CD300LF: variants seen among roughly 807,000 people sequenced by gnomAD.
The protein encoded by CD300LF is CMRF35-like molecule 1.
A neutral mutation model predicts 32.2 loss-of-function variants in CD300LF; 27 were observed. The ratio of observed to expected loss-of-function variants is 0.84; its 90% confidence interval spans 0.62 to 1.15. The LOEUF (loss-of-function observed/expected upper bound fraction) is 1.15, where lower values mean the gene tolerates loss of function less well. CD300LF is among the 50% of genes most tolerant of loss of function. The pLI, the probability that CD300LF is intolerant of heterozygous loss-of-function variation, is 0.00. For missense variants in CD300LF, 348 were observed against 356.8 expected (o/e 0.98, Z 0.20); for synonymous variants, 139 against 143.2 (o/e 0.97, Z 0.21).
chr17:74,707,852 T>C (rs961891508), intron 1 of CD300LF, among the ~76,000 whole-genome samples: 18 of 151,964 alleles, frequency 1.2e-4, no homozygotes, highest in African/African-American at 4.1e-4. Flanking sequence ...GAATTTACAA[T>C]TTGAGATGGA....
chr17:74,695,929 G>A, intron 5 of CD300LF, 70 bp from the exon 6 acceptor site: 1 of 1,543,038 alleles, frequency 6.5e-7, no homozygotes, highest in Non-Finnish European at 8.8e-7. Flanking sequence ...TTCCACGGTG[G>A]GACGGGACGA....
intron 1 of CD300LF, among the ~76,000 whole-genome samples, chr17:74,706,542 C>T (rs2033534031): frequency 6.6e-6 from 1 of 152,038 alleles, no homozygotes; most frequent in African/African-American, 2.4e-5. Flanking sequence ...ATGGCACATG[C>T]CTGTAATCCC....
chr17:74,705,305 T>C (rs2033418754), intron 1 of CD300LF: 1 of 690,902 alleles, frequency 1.4e-6, no homozygotes, highest in Non-Finnish European at 2.7e-6. Flanking sequence ...TTTCTAGTGG[T>C]TCTGGAATAA....
rs1414320495 is a variant in CD300LF, at chr17:74,698,424, C to T, written c.504G>A (p.Leu168=). ...CCAAGAGTGAGGCGGCCACCAAAAGCAGCAGCAATATGGTGAAGATGAGGG... is the reference window on the plus strand; with the variant it reads ...CCAAGAGTGAGGCGGCCACCAAAAGTAGCAGCAATATGGTGAAGATGAGGG... The part of the protein sequence containing the change: ...LLPLIFTILL[L]LLVAASLLAW... Residue 168 remains leucine, a synonymous_variant, in exon 4 of 7, where the codon CTG becomes CTA. Coordinates refer to ENST00000326165, the MANE Select transcript of CD300LF (RefSeq NM_139018.5). 3.1e-6 allele frequency: 5 copies of T among 1,614,060 alleles called. No homozygotes were observed. Among genetic ancestry groups the T allele is most frequent in the Non-Finnish European group, 4.2e-6 (5 of 1,179,994 alleles).
At chr17:74,702,439 G>A (rs2033138943) in intron 3 of CD300LF, among the ~76,000 whole-genome samples, 1 of 152,222 alleles carries the variant, frequency 6.6e-6, no homozygotes, top group Non-Finnish European at 1.5e-5. Context: ...TGGGGTGGTT[G>A]TAGGAAAGGT....
In CD300LF at chr17:74,698,398, G is replaced by A. The variant is rs985065044; in HGVS notation, c.530C>T (p.Ala177Val). The A allele has an allele frequency of 2.5e-6, 4 of 1,613,660 alleles. No homozygotes were observed. The highest frequency in any genetic ancestry group is 3.4e-6 in the Non-Finnish European group (4 of 1,179,836). The change falls in exon 4 of 7, where the codon GCT becomes GTT. Residue 177 changes from alanine to valine, a missense_variant. Coordinates refer to ENST00000326165, the MANE Select transcript of CD300LF (RefSeq NM_139018.5). Reference protein sequence around the residue: ...LLLLVAASLLAWRMMKYQQKA... With the variant: ...LLLLVAASLLVWRMMKYQQKA... ...CTGCTGGTACTTCATCATCCTCCAA[G>A]CCAAGAGTGAGGCGGCCACCAAAAG...
chr17:74,703,269 G>A, intron 2 of CD300LF, 171 bp from the exon 3 acceptor site: 1 of 686,674 alleles, frequency 1.5e-6, no homozygotes, highest in Non-Finnish European at 2.5e-6. Flanking sequence ...AGGGGCTGCA[G>A]CCTGGACCAC....
At chr17:74,698,559 AG>A in intron 3 of CD300LF, 78 bp from the exon 4 acceptor site, 1 of 1,524,686 alleles carries the variant, frequency 6.6e-7, no homozygotes, top group Non-Finnish European at 8.8e-7. Context: ...ACCCAGCAGC[AG>A]GGGAGGGCCA....
At chr17:74,699,154 T>C (rs1383797930) in intron 3 of CD300LF, among the ~76,000 whole-genome samples, 1 of 152,128 alleles carries the variant, frequency 6.6e-6, no homozygotes, top group East Asian at 1.9e-4. Context: ...CCTAACCTCA[T>C]GATCCGCCCA....
intron 1 of CD300LF, among the ~76,000 whole-genome samples, chr17:74,706,008 C>A (rs2033474518): frequency 6.6e-6 from 1 of 152,114 alleles, no homozygotes; most frequent in South Asian, 2.1e-4. Flanking sequence ...AAACCAAATA[C>A]CGCATGTTCT....
rs1033424531 is a variant in CD300LF at position 74,698,392 on chromosome 17, C to G, written c.536G>C (p.Arg179Thr). The change falls in exon 4 of 7, where the codon AGG becomes ACG. Residue 179 changes from arginine to threonine, a missense_variant. By Grantham distance (71) the Arg-to-Thr change is moderately conservative. Transcript: ENST00000326165. Reference sequence around the variant, plus strand: ...ACCTTTCTGCTGGTACTTCATCATCCTCCAAGCCAAGAGTGAGGCGGCCAC... The same window carrying G: ...ACCTTTCTGCTGGTACTTCATCATCGTCCAAGCCAAGAGTGAGGCGGCCAC... ...LLVAASLLAW[R>T]MMKYQQKAAG... 1.2e-6 allele frequency: 2 copies of G among 1,613,594 alleles called. No homozygotes were observed. Among genetic ancestry groups the G allele is most frequent in the Non-Finnish European group, 1.7e-6 (2 of 1,179,810 alleles).
chr17:74,712,774 T>A, intron 1 of CD300LF, 50 bp downstream of exon 1: 1 of 1,607,088 alleles, frequency 6.2e-7, no homozygotes, highest in Non-Finnish European at 8.5e-7. Flanking sequence ...CTCAGCCACC[T>A]CCTCCTGCTT....
At chr17:74,706,749 G>C (rs2033553516) in intron 1 of CD300LF, among the ~76,000 whole-genome samples, 1 of 152,216 alleles carries the variant, frequency 6.6e-6, no homozygotes, top group African/African-American at 2.4e-5. Context: ...CAGTGTCAGA[G>C]AGACCCTGGG....
chr17:74,704,624 C>G lies in CD300LF; in HGVS notation c.236G>C (p.Arg79Pro), dbSNP rs542422427. The G allele has an allele frequency of 9.5e-5, 154 of 1,614,168 alleles. No homozygotes were observed. The highest frequency in any genetic ancestry group is 1.2e-4 in the Non-Finnish European group (146 of 1,180,026). Residue 79 changes from arginine (R) to proline (P), a missense_variant, in exon 2 of 7, where the codon CGG (arginine) becomes CCG (proline). Coordinates refer to ENST00000326165, the MANE Select transcript of CD300LF (RefSeq NM_139018.5). Reference sequence around the variant, plus strand: ...TTTCTGATTGTCCTTGATGGACACCCGGTCCCTCTTCACCTCCTGCTCTGA... The same window carrying G: ...TTTCTGATTGTCCTTGATGGACACCGGGTCCCTCTTCACCTCCTGCTCTGA... ...SGSEQEVKRD[R>P]VSIKDNQKNR...
At chr17:74,708,602 A>G (rs903112108) in intron 1 of CD300LF, among the ~76,000 whole-genome samples, 2 of 152,188 alleles carry the variant, frequency 1.3e-5, no homozygotes, top group African/African-American at 4.8e-5. Flanking sequence ...CAAACACCCA[A>G]AATGGTTTTT....
At chr17:74,699,322 C>T (rs2032819059) in intron 3 of CD300LF, among the ~76,000 whole-genome samples, 1 of 152,182 alleles carries the variant, frequency 6.6e-6, no homozygotes, top group Admixed American at 6.5e-5. Flanking sequence ...TAAAACACCT[C>T]CTGCCTCTAC....
intron 4 of CD300LF, among the ~76,000 whole-genome samples, chr17:74,697,950 T>C (rs1049956883): frequency 1.3e-5 from 2 of 152,160 alleles, no homozygotes; most frequent in African/African-American, 4.8e-5. Flanking sequence ...GTGCATCCAC[T>C]GGTGTGTTTG....
intron 4 of CD300LF, among the ~76,000 whole-genome samples, chr17:74,697,432 G>A (rs1365134768): frequency 6.6e-6 from 1 of 152,142 alleles, no homozygotes; most frequent in Admixed American, 6.5e-5. Flanking sequence ...CTTAGGCCGT[G>A]GGCAATACAT....
chr17:74,695,091 G>C lies in CD300LF; in HGVS notation c.*5C>G, dbSNP rs1567780400. The C allele has an allele frequency of 1.2e-6, 2 of 1,611,070 alleles. No individual in the cohort carries two copies. Among genetic ancestry groups the C allele is most frequent in the Non-Finnish European group, 8.5e-7 (1 of 1,178,618 alleles). On this transcript the variant is annotated 3_prime_UTR_variant, in exon 7 of 7. Transcript: ENST00000326165. ...TGGGGTCCAAGAAGGAGCCTGGAGT[G>C]CAGGCTAAGGCCTGCTGATGGTGCT...
Sources: allele counts gnomAD v4.1 joint callset (sites outside exome capture counted in the v4.1 genomes callset), GRCh38; gene constraint gnomAD v4.1.1; transcripts MANE v1.5; gene names NCBI Gene and HGNC (gene_info 2026-07-23, HGNC 2026-07-21).